The following ADGRG4 variants were observed in gnomAD, a reference collection of about 807,000 sequenced individuals.
ADGRG4 encodes the protein G protein-coupled receptor 112.
A neutral mutation model predicts 126.2 loss-of-function variants in ADGRG4; 122 were observed. The observed-to-expected ratio is 0.97, with a 90% CI of 0.83 to 1.12. The LOEUF (loss-of-function observed/expected upper bound fraction) is 1.12. Among genes scored for constraint, ADGRG4 ranks in the 50% most tolerant of loss-of-function variants. The pLI, the probability that ADGRG4 is intolerant of heterozygous loss-of-function variation, is 0.00. For missense variants in ADGRG4, 2,481 were observed against 2,251.8 expected (o/e 1.10, Z -2.06); for synonymous variants, 943 against 838.7 (o/e 1.12, Z -2.15).
chrX:136,325,866 A>T (rs909306766), intron 5 of ADGRG4, among the ~76,000 whole-genome samples: 1 of 110,421 alleles, frequency 9.1e-6, no homozygotes, highest in Non-Finnish European at 1.9e-5. Flanking sequence ...ACATGCCACC[A>T]TGTCTGGCTA....
chrX:136,387,882 C>T lies in ADGRG4; in HGVS notation c.7911+8C>T. The T allele has an allele frequency of 8.3e-7, 1 of 1,200,485 alleles. No individual in the cohort carries two copies. Among genetic ancestry groups the T allele is most frequent in the South Asian group, 1.8e-5 (1 of 55,243 alleles). On this transcript the variant is annotated splice_region_variant and intron_variant, in intron 16 of 25. Coordinates refer to ENST00000394143, the MANE Select transcript of ADGRG4 (RefSeq NM_153834.4). ...CAAACTTCACTCTTTAAGGTAAATT[C>T]TTGCCTGTGGTAACTGTGATGAACT... is the stretch of plus-strand genomic sequence containing the variant.
intron 15 of ADGRG4, among the ~76,000 whole-genome samples, chrX:136,386,870 T>A (rs2075294706): frequency 8.9e-6 from 1 of 112,350 alleles, no homozygotes; most frequent in Non-Finnish European, 1.9e-5. Context: ...GATGTCTTGT[T>A]CCATTTTGTG....
intron 4 of ADGRG4, among the ~76,000 whole-genome samples, chrX:136,313,133 G>A (rs1229638378): frequency 8.9e-6 from 1 of 112,219 alleles, no homozygotes; most frequent in Non-Finnish European, 1.9e-5. Context: ...TACAAGTTTT[G>A]TGTGGGCATA....
intron 4 of ADGRG4, among the ~76,000 whole-genome samples, chrX:136,319,726 TC>T (rs2074827395): frequency 9.1e-6 from 1 of 109,350 alleles, no homozygotes; most frequent in African/African-American, 3.3e-5. Context: ...TATCTATCTA[TC>T]TATCTATCTA....
Position 136,409,715 on chromosome X carries a change from G to A in ADGRG4, c.8936-2550G>A, listed in dbSNP as rs73637926. 7.8e-3 allele frequency among the ~76,000 whole-genome samples: 877 copies of A among 112,194 alleles called. 10 individuals are homozygous for A. Among genetic ancestry groups the A allele is most frequent in the African/African-American group, 0.027 (844 of 30,873 alleles). ...CCTCCCACCTGGAATCCGAGTCTCA[G>A]GGCTGGGGCTAGGGAGCCAAGATCT... On this transcript the variant is annotated intron_variant, in intron 23 of 25. Coordinates refer to ENST00000394143, the MANE Select transcript of ADGRG4 (RefSeq NM_153834.4).
intron 13 of ADGRG4, among the ~76,000 whole-genome samples, chrX:136,368,854 G>T (rs781085253): frequency 8.9e-6 from 1 of 112,242 alleles, no homozygotes; most frequent in East Asian, 2.8e-4. Flanking sequence ...AATAATGGCC[G>T]TGTTTAACAA....
intron 16 of ADGRG4, among the ~76,000 whole-genome samples, chrX:136,391,872 G>A (rs1203392006): frequency 1.5e-4 from 17 of 112,798 alleles, no homozygotes; most frequent in Non-Finnish European, 3.0e-4. Flanking sequence ...AGCAAGGATG[G>A]TTGAGAGTTA....
intron 15 of ADGRG4, among the ~76,000 whole-genome samples, chrX:136,373,360 C>T (rs943977788): frequency 3.6e-5 from 4 of 111,572 alleles, no homozygotes; most frequent in Non-Finnish European, 7.5e-5. Context: ...GGACATTGTG[C>T]TACTGCCTCC....
At chrX:136,328,414 T>A (rs1725375435) in intron 5 of ADGRG4, among the ~76,000 whole-genome samples, 1 of 112,163 alleles carries the variant, frequency 8.9e-6, no homozygotes, top group African/African-American at 3.2e-5. Flanking sequence ...CTCAGACACA[T>A]GATCAAACAA....
intron 25 of ADGRG4, among the ~76,000 whole-genome samples, chrX:136,415,208 C>T (rs1002959907): frequency 3.6e-5 from 4 of 111,591 alleles, no homozygotes; most frequent in Non-Finnish European, 5.6e-5. Context: ...GGTAGGACTG[C>T]CTCATTCGCT....
chrX:136,406,063 T>A, intron 23 of ADGRG4, 91 bp downstream of exon 23: 1 of 900,527 alleles, frequency 1.1e-6, no homozygotes, highest in Non-Finnish European at 1.5e-6. Context: ...TTGGAAACAT[T>A]AACTAGATGT....
At position 136,350,543 on chromosome X, in the gene ADGRG4, T is replaced by C. The variant is rs891425845; in HGVS notation, c.6727+110T>C. 9.2e-6 allele frequency: 7 copies of C among 756,924 alleles called. No individual in the cohort carries two copies. The African/African-American group carries it at 1.5e-4, about 16-fold the overall frequency. The allele number at this position is 756,924 out of a possible 1,213,427, so 62.4% of individuals were successfully genotyped here. ...GAAGGCAGAAAAGAATGAAGAAGGG[T>C]GCAGGTGTTTCTTGTCTCCTTCAGA... On this transcript the variant is annotated intron_variant, in intron 6 of 25. Transcript: ENST00000394143.
chrX:136,314,047 C>T (rs2074790437), intron 4 of ADGRG4, among the ~76,000 whole-genome samples: 1 of 111,633 alleles, frequency 9.0e-6, no homozygotes, highest in African/African-American at 3.3e-5. Context: ...CATGCCACCA[C>T]AAAAATACAT....
At chrX:136,400,178 T>C in intron 21 of ADGRG4, 62 bp downstream of exon 21, 1 of 855,436 alleles carries the variant, frequency 1.2e-6, no homozygotes, top group Non-Finnish European at 1.7e-6. Flanking sequence ...TAATTCTAGC[T>C]CTGTTAGATT....
intron 23 of ADGRG4, among the ~76,000 whole-genome samples, chrX:136,409,048 GACACACACACAC>G (rs71995144): frequency 7.7e-5 from 7 of 90,883 alleles, no homozygotes; most frequent in South Asian, 6.1e-4. Flanking sequence ...TCAAATTCAA[GACACACACACAC>G]ACACACACAC....
Position 136,353,358 on chromosome X carries a change from A to T in ADGRG4, c.6844A>T (p.Ser2282Cys), listed in dbSNP as rs1445781325. 1 of 1,192,919 alleles carries T rather than the reference A, an allele frequency of 8.4e-7. No homozygotes were observed. The highest frequency in any genetic ancestry group is 1.8e-5 in the African/African-American group (1 of 56,656). Residue 2282 changes from serine to cysteine, a missense_variant, in exon 8 of 26, where the codon AGT (serine) becomes TGT (cysteine). Coordinates refer to ENST00000394143, the MANE Select transcript of ADGRG4 (RefSeq NM_153834.4). ...ENSLNSIFQNSEFSLATLETQ... is the reference protein window; with the variant it reads ...ENSLNSIFQNCEFSLATLETQ... The stretch of plus-strand genomic sequence containing the variant: ...ACAGTTGAATTCTATATTTCAGAAC[A>T]GTGAATTTTCTCTTGCTACTCTGGA...
chrX:136,301,207 T>A (rs1249730863), intron 1 of ADGRG4, among the ~76,000 whole-genome samples: 1 of 112,143 alleles, frequency 8.9e-6, no homozygotes, highest in Non-Finnish European at 1.9e-5. Context: ...CCACCAACAG[T>A]GTAAAAGTGT....
intron 15 of ADGRG4, among the ~76,000 whole-genome samples, chrX:136,376,322 T>C (rs1406036467): frequency 8.9e-6 from 1 of 112,354 alleles, no homozygotes; most frequent in East Asian, 2.8e-4. Flanking sequence ...TAATTTGAAG[T>C]TGGGTAATAT....
At chrX:136,371,643 A>T in intron 14 of ADGRG4, 99 bp downstream of exon 14, 1 of 464,090 alleles carries the variant, frequency 2.2e-6, no homozygotes, top group Non-Finnish European at 3.5e-6. Context: ...AATTCAAACA[A>T]CCATAGATTG....
Sources: allele counts gnomAD v4.1 joint callset (sites outside exome capture counted in the v4.1 genomes callset), GRCh38; gene constraint gnomAD v4.1.1; transcripts MANE v1.5; gene names NCBI Gene and HGNC (gene_info 2026-07-23, HGNC 2026-07-21).